SEPSECS: variants seen among roughly 807,000 people sequenced by gnomAD.
SEPSECS encodes O-phosphoseryl-tRNA(Sec) selenium transferase.
In SEPSECS, 42 loss-of-function variants were observed where a neutral mutation model predicts 52.1. That is an observed-to-expected ratio of 0.81 (90% CI 0.63 to 1.04). The LOEUF is 1.04. Ranked by LOEUF, SEPSECS falls within the 50% of genes least tolerant of loss-of-function variation. SEPSECS has a pLI of 0.00. For synonymous variants in SEPSECS, 216 were observed against 211.4 expected (o/e 1.02, Z -0.19); for missense variants, 590 against 610.6 (o/e 0.97, Z 0.36).
In SEPSECS at chr4:25,124,134, T is replaced by C; in HGVS notation, c.1303A>G (p.Asn435Asp). The change falls in exon 11 of 11, where the codon AAT becomes GAT. Residue 435 changes from asparagine to aspartate, a missense_variant. Asn to Asp is a conservative substitution (Grantham distance 23). Coordinates refer to ENST00000382103, the MANE Select transcript of SEPSECS (RefSeq NM_016955.4). ...HTNNYPCAYLNAASAIGMKMQ... is the reference protein window; with the variant it reads ...HTNNYPCAYLDAASAIGMKMQ... ...TTCATTCCGATGGCTGATGCAGCAT[T>C]GAGGTAAGCACAAGGGTAATTATTT... is the stretch of plus-strand genomic sequence containing the variant. 6.2e-7 allele frequency: 1 copy of C among 1,613,766 alleles called. No individual in the cohort carries two copies. Among genetic ancestry groups the C allele is most frequent in the East Asian group, 2.2e-5 (1 of 44,870 alleles).
intron 10 of SEPSECS, 118 bp from the exon 11 acceptor site, chr4:25,124,343 G>T: frequency 1.1e-6 from 1 of 910,182 alleles, no homozygotes; most frequent in Non-Finnish European, 1.7e-6. Context: ...GTTTAAAACA[G>T]CCACAAATCA....
rs886059348 is a variant in SEPSECS, at chr4:25,122,311, G to A, written c.*1620C>T. On this transcript the variant is annotated 3_prime_UTR_variant, in exon 11 of 11. Transcript: ENST00000382103. ...CTACCTTACACATGTCTGACCTCAT[G>A]TTTACAAACAGTCTGGGACAATGTA... is the stretch of plus-strand genomic sequence containing the variant. 7 of 152,194 alleles carry A rather than the reference G, an allele frequency of 4.6e-5. No homozygotes were observed. Among genetic ancestry groups the A allele is most frequent in the South Asian group, 2.1e-4 (1 of 4,820 alleles). 9.4% of individuals were successfully genotyped at this position (152,194 alleles called of 1,614,324 possible).
chr4:25,146,265 T>C (rs138484059), intron 6 of SEPSECS, among the ~76,000 whole-genome samples: 4 of 152,290 alleles, frequency 2.6e-5, no homozygotes, highest in African/African-American at 4.8e-5. Flanking sequence ...AAGGAGCAGA[T>C]AGCTGGCCTA....
chr4:25,127,259 A>G lies in SEPSECS; in HGVS notation c.1120+5T>C, dbSNP rs374449401. 171 of 1,592,120 alleles carry G rather than the reference A, an allele frequency of 1.1e-4. No homozygotes were observed. Among genetic ancestry groups the G allele is most frequent in the Non-Finnish European group, 1.4e-4 (167 of 1,160,846 alleles). On this transcript the variant is annotated splice_donor_5th_base_variant and intron_variant, in intron 9 of 10. Coordinates refer to ENST00000382103, the MANE Select transcript of SEPSECS (RefSeq NM_016955.4). Reference sequence around the variant, plus strand: ...TTTGTTTTTCTTTAGGAAAAAAGAAATTACCTAAAGATATGGGATTGTGAG... The same window carrying G: ...TTTGTTTTTCTTTAGGAAAAAAGAAGTTACCTAAAGATATGGGATTGTGAG...
chr4:25,137,682 A>C (rs796923137), intron 8 of SEPSECS, among the ~76,000 whole-genome samples: 44 of 152,336 alleles, frequency 2.9e-4, no homozygotes, highest in African/African-American at 1.0e-3. Context: ...CTAGAACCAG[A>C]AATGCCATTC....
upstream of SEPSECS, chr4:25,160,578 T>A: frequency 2.0e-6 from 1 of 509,328 alleles, no homozygotes; most frequent in African/African-American, 2.0e-5. Context: ...GAAGTTGGCG[T>A]ATTTGAGCAT....
At chr4:25,155,692 T>G (rs1481604934) in intron 4 of SEPSECS, among the ~76,000 whole-genome samples, 2 of 152,208 alleles carry the variant, frequency 1.3e-5, no homozygotes, top group African/African-American at 4.8e-5. Flanking sequence ...CTGATCCATC[T>G]CATAGCCTAC....
At chr4:25,124,685 C>T (rs1233727804) in intron 10 of SEPSECS, among the ~76,000 whole-genome samples, 1 of 151,964 alleles carries the variant, frequency 6.6e-6, no homozygotes, top group Non-Finnish European at 1.5e-5. Context: ...TCATGTGTTA[C>T]CTCAAATAAT....
intron 6 of SEPSECS, among the ~76,000 whole-genome samples, chr4:25,148,157 C>G (rs906279823): frequency 1.3e-5 from 2 of 151,878 alleles, no homozygotes; most frequent in African/African-American, 2.4e-5. Flanking sequence ...TTGAGACCAC[C>G]CTGGCTAACA....
intron 5 of SEPSECS, among the ~76,000 whole-genome samples, chr4:25,154,541 C>G (rs1359562240): frequency 6.6e-6 from 1 of 152,076 alleles, no homozygotes. Context: ...ACAATGACAA[C>G]CACTATGCAC....
intron 8 of SEPSECS, among the ~76,000 whole-genome samples, chr4:25,142,768 C>T (rs1711670151): frequency 6.6e-6 from 1 of 152,192 alleles, no homozygotes. Context: ...TACAAAATGT[C>T]TAATTTATAT....
At chr4:25,151,102 T>C (rs1263889111) in intron 6 of SEPSECS, among the ~76,000 whole-genome samples, 1 of 152,230 alleles carries the variant, frequency 6.6e-6, no homozygotes, top group Non-Finnish European at 1.5e-5. Flanking sequence ...ACAAACTATA[T>C]AGCCTGTATC....
chr4:25,146,153 GTAGCCACAGATT>G (rs1711950508), intron 6 of SEPSECS, among the ~76,000 whole-genome samples: 1 of 152,112 alleles, frequency 6.6e-6, no homozygotes, highest in African/African-American at 2.4e-5. Flanking sequence ...TTCTTTATCT[GTAGCCACAGATT>G]TTCAATCTGT....
rs1368262925 is a variant in SEPSECS, at chr4:25,124,003, A to T, written c.1434T>A (p.Asp478Glu). 1 of 1,613,342 alleles carries T rather than the reference A, an allele frequency of 6.2e-7. No homozygotes were observed. The highest frequency in any genetic ancestry group is 8.5e-7 in the Non-Finnish European group (1 of 1,179,508). ...ESDDNYDKTE[D>E]VDIEEMALKL... ...TTAAAGCCATTTCTTCAATATCCAC[A>T]TCTTCAGTTTTGTCATAATTGTCAT... The change falls in exon 11 of 11, where the codon GAT becomes GAA. Residue 478 changes from aspartate to glutamate, a missense_variant. Physicochemically the swap from Asp to Glu is conservative, Grantham distance 45. Transcript: ENST00000382103.
chr4:25,144,438 T>G (rs1198592592), intron 8 of SEPSECS, among the ~76,000 whole-genome samples: 1 of 151,978 alleles, frequency 6.6e-6, no homozygotes, highest in Non-Finnish European at 1.5e-5. Context: ...AAAAGATGAC[T>G]TATCCATTTG....
chr4:25,152,845 TA>T (rs1712388641), intron 5 of SEPSECS, among the ~76,000 whole-genome samples: 1 of 151,980 alleles, frequency 6.6e-6, no homozygotes, highest in Admixed American at 6.5e-5. Context: ...AACTAAATCC[TA>T]TGTTTTAGTA....
Position 25,160,242 on chromosome 4 carries a change from C to A in SEPSECS, c.114+14G>T, listed in dbSNP as rs900147130. On this transcript the variant is annotated intron_variant, in intron 1 of 10. Transcript: ENST00000382103. ...GGGTCGCGGCGGCTGGGGAGGGGACCGACAGCTCGGTACCTTCTCCAGAAG... is the reference window on the plus strand; with the variant it reads ...GGGTCGCGGCGGCTGGGGAGGGGACAGACAGCTCGGTACCTTCTCCAGAAG... 6.4e-7 allele frequency: 1 copy of A among 1,551,114 alleles called. No individual in the cohort carries two copies. The highest frequency in any genetic ancestry group is 1.9e-5 in the Admixed American group (1 of 51,518).
At position 25,122,265 on chromosome 4, in the gene SEPSECS, C is replaced by T. The variant is rs1326723179; in HGVS notation, c.*1666G>A. On this transcript the variant is annotated 3_prime_UTR_variant, in exon 11 of 11. Transcript: ENST00000382103. ...AATAGTCATTGACTTCCAAGGTGGT[C>T]AAGCCAGTGGCCATAGGCGTCTACC... 1 of 152,100 alleles carries T rather than the reference C, an allele frequency of 6.6e-6. No homozygotes were observed. Among genetic ancestry groups the T allele is most frequent in the Non-Finnish European group, 1.5e-5 (1 of 68,008 alleles). 9.4% of individuals were successfully genotyped at this position (152,100 alleles called of 1,614,324 possible).
intron 8 of SEPSECS, among the ~76,000 whole-genome samples, chr4:25,129,688 C>T (rs1437981043): frequency 2.6e-5 from 4 of 151,944 alleles, no homozygotes; most frequent in Admixed American, 1.3e-4. Context: ...GTCCCTCTTT[C>T]TTAACCCAAT....
Sources: allele counts gnomAD v4.1 joint callset (sites outside exome capture counted in the v4.1 genomes callset), GRCh38; gene constraint gnomAD v4.1.1; transcripts MANE v1.5; gene names NCBI Gene and HGNC (gene_info 2026-07-23, HGNC 2026-07-21).